The following CPM variants were observed in gnomAD, a reference collection of about 807,000 sequenced individuals.
CPM encodes the protein renal carboxypeptidase.
A neutral mutation model predicts 46.4 loss-of-function variants in CPM; 35 were observed. The ratio of observed to expected loss-of-function variants is 0.75; its 90% CI spans 0.58 to 1.00. The LOEUF (loss-of-function observed/expected upper bound fraction) is 1.00, where lower values mean the gene tolerates loss of function less well. Ranked by LOEUF, CPM falls within the 50% of genes least tolerant of loss-of-function variation. The pLI, the probability that CPM is intolerant of heterozygous loss-of-function variation, is 0.00. For synonymous variants in CPM, 195 were observed against 195.3 expected (o/e 1.00, Z 0.01); for missense variants, 422 against 530.4 (o/e 0.80, Z 2.01).
intron 2 of CPM, among the ~76,000 whole-genome samples, chr12:68,923,139 G>A (rs1174652730): frequency 1.4e-5 from 2 of 145,798 alleles, no homozygotes; most frequent in Non-Finnish European, 3.0e-5. Context: ...TAACCCAAAT[G>A]CATGTTGGTA....
rs1420043912 is a variant in CPM at position 68,913,210 on chromosome 12, T to C, written c.160+19468A>G. ...TGCTCACTGGAAAGTCCAAAGTTCC[T>C]GATGACCAGATTCTGCCCCCTACTG... is the stretch of plus-strand genomic sequence containing the variant. On this transcript the variant is annotated intron_variant, in intron 2 of 8. Coordinates refer to ENST00000551568, the MANE Select transcript of CPM (RefSeq NM_198320.5). Among the ~76,000 whole-genome samples the C allele has an allele frequency of 2.0e-5, 3 of 152,360 alleles. No individual in the cohort carries two copies. The East Asian group carries it at 5.8e-4, about 29-fold the overall frequency.
chr12:68,929,239 C>A (rs1888403260), intron 2 of CPM, among the ~76,000 whole-genome samples: 1 of 152,114 alleles, frequency 6.6e-6, no homozygotes. Context: ...AAATGAGCTA[C>A]CTAATGGCAG....
intron 2 of CPM, among the ~76,000 whole-genome samples, chr12:68,926,878 A>G (rs1888286640): frequency 1.3e-5 from 2 of 152,158 alleles, no homozygotes; most frequent in South Asian, 2.1e-4. Flanking sequence ...CCATGTCCCT[A>G]CAAAGGACAT....
Position 68,870,261 on chromosome 12 carries a change from A to G in CPM, c.570T>C (p.His190=), listed in dbSNP as rs1885634187. ...TETFVLSANL[H]GGALVASYPF... ...GGTAACTGGCCACGAGGGCACCACCATGGAGGTTTGCAGAGAGGACAAACG... is the reference window on the plus strand; with the variant it reads ...GGTAACTGGCCACGAGGGCACCACCGTGGAGGTTTGCAGAGAGGACAAACG... Residue 190 remains histidine (H), a synonymous_variant, in exon 5 of 9, where the codon CAT becomes CAC. Coordinates refer to ENST00000551568, the MANE Select transcript of CPM (RefSeq NM_198320.5). 1 of 1,614,172 alleles carries G rather than the reference A, an allele frequency of 6.2e-7. No individual in the cohort carries two copies. The highest frequency in any genetic ancestry group is 1.6e-4 in the Middle Eastern group (1 of 6,062).
intron 2 of CPM, among the ~76,000 whole-genome samples, chr12:68,921,554 G>T (rs981159908): frequency 2.0e-5 from 3 of 152,050 alleles, no homozygotes; most frequent in African/African-American, 7.3e-5. Flanking sequence ...GGCAAGGGGT[G>T]GGGGTAGACC....
chr12:68,918,059 G>A (rs1010926155), intron 2 of CPM, among the ~76,000 whole-genome samples: 1 of 152,098 alleles, frequency 6.6e-6, no homozygotes, highest in Non-Finnish European at 1.5e-5. Flanking sequence ...ATATTGAGTC[G>A]TGAGTGAGTC....
intron 3 of CPM, among the ~76,000 whole-genome samples, chr12:68,882,277 T>C (rs889288216): frequency 3.9e-5 from 6 of 152,102 alleles, no homozygotes; most frequent in Non-Finnish European, 5.9e-5. Context: ...TAGCTATTGT[T>C]CCCTTCTTTG....
chr12:68,962,727 CCTT>C (rs1889143105), intron 1 of CPM, among the ~76,000 whole-genome samples: 1 of 152,176 alleles, frequency 6.6e-6, no homozygotes, highest in Non-Finnish European at 1.5e-5. Flanking sequence ...AGAACAGACT[CCTT>C]AAGTCTGATA....
At chr12:68,888,539 A>G (rs1886528256) in intron 2 of CPM, among the ~76,000 whole-genome samples, 2 of 152,266 alleles carry the variant, frequency 1.3e-5, no homozygotes, top group Admixed American at 1.3e-4. Flanking sequence ...TCTGGCCTAG[A>G]CCAGAGCAAA....
At chr12:68,934,406 C>G (rs1242082480), upstream of CPM, among the ~76,000 whole-genome samples, 1 of 152,128 alleles carries the variant, frequency 6.6e-6, no homozygotes, top group African/African-American at 2.4e-5. Flanking sequence ...TTCTTTCTTA[C>G]AGATATAGAT....
At chr12:68,929,025 A>G (rs1166616335) in intron 2 of CPM, among the ~76,000 whole-genome samples, 1 of 151,980 alleles carries the variant, frequency 6.6e-6, no homozygotes, top group African/African-American at 2.4e-5. Flanking sequence ...GATTCTTAAA[A>G]TAGATGGTAG....
intron 3 of CPM, among the ~76,000 whole-genome samples, chr12:68,881,467 T>C: frequency 6.6e-6 from 1 of 152,196 alleles, no homozygotes; most frequent in Admixed American, 6.5e-5. Flanking sequence ...TTAGAGACAT[T>C]TGAGGACAAT....
At chr12:68,904,259 G>C (rs575921193) in intron 2 of CPM, among the ~76,000 whole-genome samples, 1 of 152,264 alleles carries the variant, frequency 6.6e-6, no homozygotes, top group Non-Finnish European at 1.5e-5. Context: ...ATAATTACAA[G>C]AAGCCATTCC....
Position 68,923,598 on chromosome 12 carries a change from C to A in CPM, c.160+9080G>T, listed in dbSNP as rs543473814. ...CATACAATTCTAACACATTTACATA[C>A]ATAATTTCAAAAGATCAATATAGTG... On this transcript the variant is annotated intron_variant, in intron 2 of 8. Transcript: ENST00000551568. 3.9e-5 allele frequency among the ~76,000 whole-genome samples: 6 copies of A among 152,244 alleles called. No individual in the cohort carries two copies. The South Asian group carries it at 1.2e-3, about 32-fold the overall frequency.
intron 5 of CPM, chr12:68,843,989 G>T (rs1012001877): frequency 2.4e-5 from 5 of 207,828 alleles, no homozygotes; most frequent in Non-Finnish European, 3.9e-5. Flanking sequence ...AGCAGAATCT[G>T]TTTTTTTCTG....
chr12:68,957,870 T>C (rs534042561), intron 1 of CPM, among the ~76,000 whole-genome samples: 1 of 131,550 alleles, frequency 7.6e-6, no homozygotes, highest in Non-Finnish European at 1.6e-5. Context: ...GGCCCCAGTG[T>C]GTGATGTTCC....
chr12:68,844,976 C>T (rs1016024773), intron 5 of CPM: 11 of 193,552 alleles, frequency 5.7e-5, no homozygotes, highest in African/African-American at 2.6e-4. Flanking sequence ...CTATGTTGGC[C>T]AGGCTGGGCT....
chr12:68,858,530 C>A (rs1294333987), intron 8 of CPM, among the ~76,000 whole-genome samples: 1 of 152,060 alleles, frequency 6.6e-6, no homozygotes, highest in Non-Finnish European at 1.5e-5. Context: ...GAACTTTATC[C>A]AATTCATTTT....
At chr12:68,914,069 G>C in intron 2 of CPM, 1 of 633,198 alleles carries the variant, frequency 1.6e-6, no homozygotes, top group Non-Finnish European at 3.0e-6. Context: ...CTATAAACAG[G>C]CTTGGAATCT....
Sources: gnomAD v4.1 joint callset for allele counts (sites outside exome capture counted in the v4.1 genomes callset) on GRCh38, gnomAD v4.1.1 for gene constraint, MANE v1.5 for transcripts, NCBI Gene and HGNC (gene_info 2026-07-23, HGNC 2026-07-21) for gene names.